The following NOX4 variants were observed in gnomAD, a reference collection of about 807,000 sequenced individuals.
NOX4 encodes the protein NADPH oxidase 4.
Under a neutral mutation model 87.6 loss-of-function variants are expected in NOX4, and 69 were observed. The observed-to-expected ratio is 0.79, with a 90% CI of 0.65 to 0.96. The LOEUF (loss-of-function observed/expected upper bound fraction) is 0.96, where lower values mean the gene tolerates loss of function less well. Among genes scored for constraint, NOX4 ranks in the 40% least tolerant of loss-of-function variants. The probability of loss-of-function intolerance (pLI) is 0.00; values close to 1 mark genes in which losing one functional copy is unlikely to be tolerated. For missense variants in NOX4, 680 were observed against 681.5 expected (o/e 1.00, Z 0.02); for synonymous variants, 275 against 238.2 (o/e 1.15, Z -1.42).
intron 12 of NOX4, among the ~76,000 whole-genome samples, chr11:89,365,972 A>C (rs1938952660): frequency 6.6e-6 from 1 of 152,066 alleles, no homozygotes; most frequent in South Asian, 2.1e-4. Flanking sequence ...CAAATACATA[A>C]AATGATTAGC....
chr11:89,447,921 CA>C (rs982533150), intron 4 of NOX4, among the ~76,000 whole-genome samples: 2 of 152,098 alleles, frequency 1.3e-5, no homozygotes, highest in African/African-American at 4.8e-5. Flanking sequence ...AGAGATAAAA[CA>C]ATGAAGTTAC....
At chr11:89,410,057 AAAAATAAAAT>A (rs144473626) in intron 8 of NOX4, among the ~76,000 whole-genome samples, 28 of 150,618 alleles carry the variant, frequency 1.9e-4, no homozygotes, top group African/African-American at 6.4e-4. Context: ...CCATGTCTCA[AAAAATAAAAT>A]AAAATAAAAT....
intron 3 of NOX4, among the ~76,000 whole-genome samples, chr11:89,451,438 C>A (rs925571361): frequency 6.6e-6 from 1 of 152,072 alleles, no homozygotes; most frequent in African/African-American, 2.4e-5. Flanking sequence ...TCTGTCATTC[C>A]CTAGTCTCGA....
the NOX4 span, among the ~76,000 whole-genome samples, chr11:89,565,316 T>C: frequency 6.6e-6 from 1 of 152,248 alleles, no homozygotes; most frequent in Non-Finnish European, 1.5e-5. Flanking sequence ...TTACCACTGG[T>C]TTATACATAA....
intron 2 of NOX4, among the ~76,000 whole-genome samples, chr11:89,452,872 G>A (rs75357239): frequency 0.016 from 2,453 of 151,872 alleles, 77 homozygotes; most frequent in African/African-American, 0.055. Flanking sequence ...ATGCCATGTG[G>A]TGAGAATATT....
chr11:89,522,136 G>A, the NOX4 span, among the ~76,000 whole-genome samples: 1 of 152,078 alleles, frequency 6.6e-6, no homozygotes, highest in Non-Finnish European at 1.5e-5. Flanking sequence ...AAAGAACTTA[G>A]GACAGAACTA....
chr11:89,442,207 C>A (rs1231674224), intron 5 of NOX4, among the ~76,000 whole-genome samples: 1 of 151,274 alleles, frequency 6.6e-6, no homozygotes, highest in Non-Finnish European at 1.5e-5. Flanking sequence ...AGGGGAAATA[C>A]TAACTTAAAA....
At chr11:89,536,127 C>G in the NOX4 span, among the ~76,000 whole-genome samples, 1 of 142,330 alleles carries the variant, frequency 7.0e-6, no homozygotes, top group African/African-American at 2.6e-5. Flanking sequence ...CTTTCTTGAT[C>G]TGGTCCTTTT....
At chr11:89,350,466 T>C (rs954115947) in intron 13 of NOX4, among the ~76,000 whole-genome samples, 1 of 152,114 alleles carries the variant, frequency 6.6e-6, no homozygotes, top group African/African-American at 2.4e-5. Context: ...CAAGTCCAAA[T>C]CCAAACTACC....
chr11:89,406,935 G>A (rs1942217999), intron 8 of NOX4, among the ~76,000 whole-genome samples: 1 of 152,056 alleles, frequency 6.6e-6, no homozygotes, highest in Non-Finnish European at 1.5e-5. Context: ...GGCAGCTGAA[G>A]GATGTAGAGA....
At chr11:89,513,359 G>A in the NOX4 span, among the ~76,000 whole-genome samples, 1 of 150,904 alleles carries the variant, frequency 6.6e-6, no homozygotes, top group Non-Finnish European at 1.5e-5. Context: ...AATTCCAACA[G>A]AGCTTTGTCT....
At chr11:89,524,871 CT>C in the NOX4 span, among the ~76,000 whole-genome samples, 3 of 152,114 alleles carry the variant, frequency 2.0e-5, no homozygotes, top group African/African-American at 7.2e-5. Flanking sequence ...TGTTCCCACC[CT>C]GGTCCTAGTC....
chr11:89,561,215 A>C, the NOX4 span, among the ~76,000 whole-genome samples: 1 of 151,034 alleles, frequency 6.6e-6, no homozygotes, highest in Non-Finnish European at 1.5e-5. Context: ...AAGGATTACA[A>C]TACATTTAAT....
the NOX4 span, chr11:89,548,605 A>C: frequency 2.6e-5 from 4 of 152,196 alleles, no homozygotes; most frequent in African/African-American, 4.8e-5. Context: ...AGGCCTAGAC[A>C]GTGAGGCCTT....
the NOX4 span, among the ~76,000 whole-genome samples, chr11:89,532,059 G>T: frequency 2.3e-3 from 349 of 152,324 alleles, 1 homozygote; most frequent in African/African-American, 8.1e-3. Flanking sequence ...GAAATGCCTG[G>T]ATGTCCAGGC....
intron 2 of NOX4, among the ~76,000 whole-genome samples, chr11:89,488,527 TG>T (rs1946719229): frequency 6.6e-6 from 1 of 152,198 alleles, no homozygotes; most frequent in Non-Finnish European, 1.5e-5. Flanking sequence ...ATTAATGAGT[TG>T]GTTTCCAAAT....
the NOX4 span, among the ~76,000 whole-genome samples, chr11:89,513,571 G>A: frequency 5.3e-5 from 8 of 151,920 alleles, no homozygotes; most frequent in South Asian, 8.3e-4. Context: ...CAAAAAAATA[G>A]CCTCCAGAAG....
chr11:89,485,678 C>T (rs1946562500), intron 2 of NOX4, among the ~76,000 whole-genome samples: 1 of 152,088 alleles, frequency 6.6e-6, no homozygotes. Flanking sequence ...ACTACATTTT[C>T]CATTCTTGAA....
chr11:89,516,061 C>T, the NOX4 span, among the ~76,000 whole-genome samples: 1 of 151,848 alleles, frequency 6.6e-6, no homozygotes, highest in Non-Finnish European at 1.5e-5. Flanking sequence ...TATATATTCA[C>T]TTTTTATTTG....
Sources: gnomAD v4.1 joint callset for allele counts (sites outside exome capture counted in the v4.1 genomes callset) on GRCh38, gnomAD v4.1.1 for gene constraint, MANE v1.5 for transcripts, NCBI Gene and HGNC (gene_info 2026-07-23, HGNC 2026-07-21) for gene names.